CCSER2: variants seen among roughly 807,000 people sequenced by gnomAD.
CCSER2 encodes the protein serine-rich coiled-coil domain-containing protein 2.
A neutral mutation model predicts 92.3 loss-of-function variants in CCSER2; 46 were observed. The ratio of observed to expected loss-of-function variants is 0.50; its 90% CI spans 0.39 to 0.64. The LOEUF (loss-of-function observed/expected upper bound fraction) is 0.64. Among genes scored for constraint, CCSER2 ranks in the 30% least tolerant of loss-of-function variants. The pLI, the probability that CCSER2 is intolerant of heterozygous loss-of-function variation, is 0.00. For synonymous variants in CCSER2, 433 were observed against 431.4 expected (o/e 1.00, Z -0.04); for missense variants, 1,244 against 1,238.9 (o/e 1.00, Z -0.06).
intron 9 of CCSER2, among the ~76,000 whole-genome samples, chr10:84,486,400 C>A (rs1381157840): frequency 3.3e-5 from 5 of 152,200 alleles, no homozygotes; most frequent in Non-Finnish European, 7.3e-5. Flanking sequence ...TCCTCTCCAG[C>A]ACCTGTTGTT....
chr10:84,470,603 T>C, intron 8 of CCSER2, 145 bp downstream of exon 8: 1 of 504,116 alleles, frequency 2.0e-6, no homozygotes, highest in Non-Finnish European at 3.0e-6. Context: ...ATATGCACTG[T>C]AATAAAAGTA....
At position 84,371,309 on chromosome 10, in the gene CCSER2, A is replaced by G; in HGVS notation, c.257A>G (p.Gln86Arg). ...GGTGTCGAAGAGCCTAACAATACTC[A>G]AAATTCACATGATAAAATAATTGAT... is the stretch of plus-strand genomic sequence containing the variant. The part of the protein sequence containing the change: ...AQGVEEPNNT[Q>R]NSHDKIIDPE... Residue 86 changes from glutamine (Q) to arginine (R), a missense_variant, in exon 2 of 10, where the codon CAA becomes CGA. Coordinates refer to ENST00000372088, the MANE Select transcript of CCSER2 (RefSeq NM_001284240.2). 6.2e-7 allele frequency: 1 copy of G among 1,613,724 alleles called. No homozygotes were observed. The highest frequency in any genetic ancestry group is 1.1e-5 in the South Asian group (1 of 91,032).
At chr10:84,449,383 A>G (rs919232119) in intron 6 of CCSER2, among the ~76,000 whole-genome samples, 2 of 151,952 alleles carry the variant, frequency 1.3e-5, no homozygotes, top group African/African-American at 4.8e-5. Context: ...TCAAGAAAAA[A>G]ATCAGAATAG....
chr10:84,465,754 T>A (rs1015381857), intron 7 of CCSER2, among the ~76,000 whole-genome samples: 2 of 152,120 alleles, frequency 1.3e-5, no homozygotes, highest in Middle Eastern at 3.4e-3. Flanking sequence ...ATTTTTTGCT[T>A]TTTTTTTCTT....
intron 1 of CCSER2, among the ~76,000 whole-genome samples, chr10:84,334,473 A>G (rs1265888010): frequency 1.3e-5 from 2 of 152,242 alleles, no homozygotes; most frequent in East Asian, 3.9e-4. Context: ...AATGTCCTAG[A>G]GTTACTTCTC....
intron 8 of CCSER2, among the ~76,000 whole-genome samples, chr10:84,476,775 C>G (rs2133739460): frequency 6.6e-6 from 1 of 152,138 alleles, no homozygotes; most frequent in Non-Finnish European, 1.5e-5. Flanking sequence ...TTTTCATGAT[C>G]TTTTTTGAAA....
intron 1 of CCSER2, among the ~76,000 whole-genome samples, chr10:84,346,292 G>A (rs754427901): frequency 1.3e-5 from 2 of 151,952 alleles, no homozygotes; most frequent in African/African-American, 4.8e-5. Context: ...TTGAATTCCC[G>A]ACCTCAGGTG....
chr10:84,391,890 T>C (rs767931218), intron 3 of CCSER2: 29 of 1,358,026 alleles, frequency 2.1e-5, no homozygotes, highest in Non-Finnish European at 2.7e-5. Flanking sequence ...GTGATGCTGT[T>C]GCATCATGGA....
intron 3 of CCSER2, among the ~76,000 whole-genome samples, chr10:84,407,522 A>T (rs1842438499): frequency 6.6e-6 from 1 of 152,128 alleles, no homozygotes; most frequent in South Asian, 2.1e-4. Flanking sequence ...TGTAGAGTCT[A>T]ACTCCTCAGT....
At chr10:84,488,989 G>A (rs376468994) in intron 9 of CCSER2, among the ~76,000 whole-genome samples, 1 of 152,022 alleles carries the variant, frequency 6.6e-6, no homozygotes, top group Admixed American at 6.6e-5. Context: ...CCTTCATTTC[G>A]TTATGTACCC....
intron 1 of CCSER2, among the ~76,000 whole-genome samples, chr10:84,347,553 T>TGCCTCCC (rs1844582313): frequency 7.0e-6 from 1 of 142,920 alleles, no homozygotes; most frequent in Admixed American, 6.8e-5. Context: ...GGGCGGGGGC[T>TGCCTCCC]GCCTCCCACC....
At chr10:84,406,815 G>GGAAAAACCAA (rs1564634288) in intron 3 of CCSER2, among the ~76,000 whole-genome samples, 1 of 152,166 alleles carries the variant, frequency 6.6e-6, no homozygotes, top group Non-Finnish European at 1.5e-5. Context: ...GCACTGCGTG[G>GGAAAAACCAA]TTTCCTCTTT....
intron 7 of CCSER2, among the ~76,000 whole-genome samples, chr10:84,466,802 C>G (rs989367939): frequency 9.2e-5 from 14 of 152,186 alleles, no homozygotes; most frequent in African/African-American, 3.4e-4. Context: ...CGTAAGCCAC[C>G]GCGCCCGGCC....
At chr10:84,504,048 G>A (rs1225744498) in intron 9 of CCSER2, among the ~76,000 whole-genome samples, 2 of 152,126 alleles carry the variant, frequency 1.3e-5, no homozygotes, top group African/African-American at 4.8e-5. Context: ...CACTGTGTAT[G>A]TATATTTAAA....
In CCSER2 at chr10:84,513,969, A is replaced by C; in HGVS notation, c.2846A>C (p.Lys949Thr). Residue 949 changes from lysine (K) to threonine (T), a missense_variant, in exon 10 of 10, where the codon AAG (lysine) becomes ACG (threonine). Physicochemically the swap from Lys to Thr is moderately conservative, Grantham distance 78. Coordinates refer to ENST00000372088, the MANE Select transcript of CCSER2 (RefSeq NM_001284240.2). ...CCAAGTAGGACTCCCACTTGTAAAA[A>C]GTCACCAATAATCACAACATGTAAT... ...SSPSRTPTCKKSPIITTCNSA... is the reference protein window; with the variant it reads ...SSPSRTPTCKTSPIITTCNSA... The C allele has an allele frequency of 6.5e-7, 1 of 1,536,716 alleles. No individual in the cohort carries two copies. Among genetic ancestry groups the C allele is most frequent in the Non-Finnish European group, 8.7e-7 (1 of 1,147,028 alleles).
At chr10:84,491,176 A>G (rs577582792) in intron 9 of CCSER2, among the ~76,000 whole-genome samples, 1 of 152,276 alleles carries the variant, frequency 6.6e-6, no homozygotes, top group Non-Finnish European at 1.5e-5. Flanking sequence ...CAGTTAGGCT[A>G]CTTGGAAGTC....
Position 84,349,509 on chromosome 10 carries a change from C to T in CCSER2, c.-40+20701C>T, listed in dbSNP as rs111570089. 6.0e-3 allele frequency among the ~76,000 whole-genome samples: 915 copies of T among 151,888 alleles called. 5 individuals are homozygous for T. Among genetic ancestry groups the T allele is most frequent in the African/African-American group, 0.021 (868 of 41,412 alleles). The stretch of plus-strand genomic sequence containing the variant: ...TACTGAGACCACACTCCCCCGCCCA[C>T]CCCCGTCTACAAAAATTAAAAAGTT... On this transcript the variant is annotated intron_variant, in intron 1 of 9. Coordinates refer to ENST00000372088, the MANE Select transcript of CCSER2 (RefSeq NM_001284240.2).
intron 3 of CCSER2, among the ~76,000 whole-genome samples, chr10:84,392,315 G>GC (rs1841567968): frequency 4.1e-5 from 1 of 24,514 alleles, no homozygotes. Flanking sequence ...ATCTGAAGAA[G>GC]CAAAAAAAAA....
At position 84,491,326 on chromosome 10, in the gene CCSER2, C is replaced by G. The variant is rs1208561792; in HGVS notation, c.2325+13662C>G. ...CTGCTGCCTTTTGTTTGGCTGTGCC[C>G]TGCCCCCAGAGGTGGAGTCTACAGA... On this transcript the variant is annotated intron_variant, in intron 9 of 9. Transcript: ENST00000372088. 2.0e-5 allele frequency among the ~76,000 whole-genome samples: 3 copies of G among 152,194 alleles called. No individual in the cohort carries two copies. The South Asian group carries it at 6.2e-4, about 32-fold the overall frequency.
Sources: allele counts gnomAD v4.1 joint callset (sites outside exome capture counted in the v4.1 genomes callset), GRCh38; gene constraint gnomAD v4.1.1; transcripts MANE v1.5; gene names NCBI Gene and HGNC (gene_info 2026-07-23, HGNC 2026-07-21).